The following UGT1A6 variants were observed in gnomAD, a reference collection of about 807,000 sequenced individuals.
The protein encoded by UGT1A6 is UDP glucuronosyltransferase family 1 member A6.
In UGT1A6, 32 loss-of-function variants were observed where a neutral mutation model predicts 44.4. The ratio of observed to expected loss-of-function variants is 0.72; its 90% CI spans 0.54 to 0.97. The LOEUF is 0.97. UGT1A6 is among the 50% of genes least tolerant of loss of function. The pLI is 0.00. For missense variants in UGT1A6, 685 were observed against 661.9 expected, an observed-to-expected ratio of 1.03 and a Z score of -0.38; for synonymous variants, 238 against 248.5, an observed-to-expected ratio of 0.96 and a Z score of 0.40.
At chr2:233,715,060 A>AT (rs2076430472) in intron 1 of UGT1A6, among the ~76,000 whole-genome samples, 2 of 151,556 alleles carry the variant, frequency 1.3e-5, no homozygotes, top group African/African-American at 2.4e-5. Context: ...TTTTTTTTGT[A>AT]TTTTTTATGG....
At chr2:233,743,407 C>T in intron 1 of UGT1A6, 1 of 1,313,416 alleles carries the variant, frequency 7.6e-7, no homozygotes, top group Non-Finnish European at 1.0e-6. Flanking sequence ...AGAAAGGCCC[C>T]CACTTCCCAG....
chr2:233,756,971 C>T (rs1226266668), intron 1 of UGT1A6, among the ~76,000 whole-genome samples: 8 of 151,892 alleles, frequency 5.3e-5, no homozygotes, highest in African/African-American at 1.9e-4. Flanking sequence ...GGTAAGCACG[C>T]AATGAACAGT....
At chr2:233,718,817 T>C in intron 1 of UGT1A6, 1 of 1,613,436 alleles carries the variant, frequency 6.2e-7, no homozygotes, top group African/African-American at 1.3e-5. Context: ...TGGCTTCTGC[T>C]GAGATGGCCA....
chr2:233,766,518 A>G (rs542510910), intron 1 of UGT1A6, among the ~76,000 whole-genome samples: 1 of 152,214 alleles, frequency 6.6e-6, no homozygotes, highest in East Asian at 1.9e-4. Context: ...GGGAAATGAA[A>G]CATTTAGGCA....
At chr2:233,722,525 T>C (rs1187411582) in intron 1 of UGT1A6, among the ~76,000 whole-genome samples, 1 of 152,230 alleles carries the variant, frequency 6.6e-6, no homozygotes, top group Non-Finnish European at 1.5e-5. Flanking sequence ...TATTTTTGCC[T>C]TAATGATTTC....
chr2:233,756,958 C>A (rs1696367405), intron 1 of UGT1A6, among the ~76,000 whole-genome samples: 1 of 151,964 alleles, frequency 6.6e-6, no homozygotes, highest in Non-Finnish European at 1.5e-5. Context: ...GGACTTGGCA[C>A]TTGGTAAGCA....
intron 1 of UGT1A6, chr2:233,721,796 C>T (rs1393362336): frequency 5.8e-6 from 3 of 513,526 alleles, no homozygotes; most frequent in African/African-American, 3.9e-5. Context: ...TTTTAAAGCA[C>T]ATGCAGCAAA....
chr2:233,733,128 G>A (rs1348090612), intron 1 of UGT1A6, among the ~76,000 whole-genome samples: 1 of 152,132 alleles, frequency 6.6e-6, no homozygotes, highest in East Asian at 1.9e-4. Flanking sequence ...TTGGTGTATA[G>A]GAATGCTTGT....
rs2076670148 is a variant in UGT1A6, at chr2:233,718,644, C to T, written c.861+24779C>T. ...GATTGGTCTTTCCCAGGGTTGGGCC[C>T]ATAACGAAAGGCAGTTATAGATTAA... On this transcript the variant is annotated intron_variant, in intron 1 of 4. Transcript: ENST00000305139. The T allele has an allele frequency of 2.6e-5, 39 of 1,488,962 alleles. No individual in the cohort carries two copies. The South Asian group carries it at 4.9e-4, about 19-fold the overall frequency. 92.2% of individuals were successfully genotyped at this position (1,488,962 alleles called of 1,614,324 possible). A position where few individuals can be genotyped will look rare whatever the true frequency, so the allele number is the denominator to read the frequency against.
chr2:233,724,372 T>A (rs2077243468), intron 1 of UGT1A6, among the ~76,000 whole-genome samples: 1 of 143,294 alleles, frequency 7.0e-6, no homozygotes, highest in Admixed American at 6.9e-5. Context: ...ACGGGGTGGC[T>A]GCCGGGCGGA....
intron 1 of UGT1A6, among the ~76,000 whole-genome samples, chr2:233,740,349 G>A (rs1165997956): frequency 2.0e-5 from 3 of 151,880 alleles, no homozygotes; most frequent in South Asian, 2.1e-4. Flanking sequence ...ATGAGAAAGT[G>A]GAATTAGAAA....
chr2:233,725,687 A>G (rs1043779631), intron 1 of UGT1A6, among the ~76,000 whole-genome samples: 2 of 152,216 alleles, frequency 1.3e-5, no homozygotes, highest in African/African-American at 2.4e-5. Context: ...CAAGTGCTCA[A>G]TAGTCATATG....
At chr2:233,737,438 C>T (rs756713740) in intron 1 of UGT1A6, among the ~76,000 whole-genome samples, 1 of 152,164 alleles carries the variant, frequency 6.6e-6, no homozygotes, top group Non-Finnish European at 1.5e-5. Context: ...GTGGGAGTGT[C>T]CCGTTTTTCC....
chr2:233,768,207 T>G lies in UGT1A6; in HGVS notation c.1082-13T>G, dbSNP rs1370777582. ...GATGTAACTGCTGACATCCTCCCTA[T>G]TTTGCATCTCAGGTCACCCGATGAC... is the stretch of plus-strand genomic sequence containing the variant. On this transcript the variant is annotated splice_polypyrimidine_tract_variant and intron_variant, in intron 3 of 4. Transcript: ENST00000305139. 6.2e-7 allele frequency: 1 copy of G among 1,614,218 alleles called. No homozygotes were observed. The highest frequency in any genetic ancestry group is 1.1e-5 in the South Asian group (1 of 91,088).
At chr2:233,692,737 G>A, upstream of UGT1A6, 5 of 991,482 alleles carry the variant, frequency 5.0e-6, no homozygotes, top group South Asian at 5.7e-5. Context: ...TTTTCAGAGA[G>A]GGAGAAGCAG....
intron 4 of UGT1A6, among the ~76,000 whole-genome samples, chr2:233,771,908 A>G (rs1288111972): frequency 2.6e-5 from 4 of 151,904 alleles, no homozygotes; most frequent in African/African-American, 9.7e-5. Context: ...TTCAGGTGAT[A>G]ATAGTAACAC....
intron 1 of UGT1A6, among the ~76,000 whole-genome samples, chr2:233,722,230 A>G (rs868083923): frequency 2.0e-5 from 3 of 152,346 alleles, no homozygotes; most frequent in Middle Eastern, 3.4e-3. Context: ...CAAAATCTTT[A>G]TCATGTATTA....
chr2:233,757,549 T>TATATATATATATATATATACATATAC (rs1696618435), intron 1 of UGT1A6, among the ~76,000 whole-genome samples: 1 of 133,968 alleles, frequency 7.5e-6, no homozygotes, highest in Non-Finnish European at 1.6e-5. Context: ...TATATATATA[T>TATATATATATATATATATACATATAC]ATATATATAT....
intron 1 of UGT1A6, chr2:233,747,248 T>G: frequency 3.1e-6 from 5 of 1,601,666 alleles, no homozygotes; most frequent in Non-Finnish European, 4.3e-6. Context: ...CTGCTGTGGC[T>G]GGCCACAGGA....
Sources: allele counts gnomAD v4.1 joint callset (sites outside exome capture counted in the v4.1 genomes callset), GRCh38; gene constraint gnomAD v4.1.1; transcripts MANE v1.5; gene names NCBI Gene and HGNC (gene_info 2026-07-23, HGNC 2026-07-21).